TMEM117: variants seen among roughly 807,000 people sequenced by gnomAD.
TMEM117 encodes transmembrane protein 117.
In TMEM117, 27 loss-of-function variants were observed where a neutral mutation model predicts 52.4. That is an observed-to-expected ratio of 0.51 (90% CI 0.38 to 0.71). The LOEUF is 0.71. TMEM117 is among the 30% of genes least tolerant of loss of function. The probability of loss-of-function intolerance (pLI) is 0.00; values close to 1 mark genes in which losing one functional copy is unlikely to be tolerated. For missense variants in TMEM117, 556 were observed against 630.5 expected (o/e 0.88, Z 1.26); for synonymous variants, 215 against 206.3 (o/e 1.04, Z -0.36).
chr12:44,028,326 C>T (rs888435869), intron 3 of TMEM117, among the ~76,000 whole-genome samples: 2 of 152,128 alleles, frequency 1.3e-5, no homozygotes, highest in African/African-American at 4.8e-5. Context: ...TTAAGCTTAA[C>T]GTTATTTTGT....
intron 2 of TMEM117, among the ~76,000 whole-genome samples, chr12:43,882,476 A>AT (rs386376345): frequency 6.6e-6 from 1 of 151,480 alleles, no homozygotes; most frequent in Non-Finnish European, 1.5e-5. Flanking sequence ...AAAAAAAAAA[A>AT]AGAAATATTA....
At chr12:43,977,281 G>A (rs1409436342) in intron 3 of TMEM117, among the ~76,000 whole-genome samples, 2 of 152,120 alleles carry the variant, frequency 1.3e-5, no homozygotes, top group Non-Finnish European at 2.9e-5. Flanking sequence ...TCCGGGGCTT[G>A]TGTCATCCAA....
intron 6 of TMEM117, among the ~76,000 whole-genome samples, chr12:44,344,738 G>C (rs1398591534): frequency 6.6e-6 from 1 of 152,102 alleles, no homozygotes; most frequent in Non-Finnish European, 1.5e-5. Flanking sequence ...TGGGGACAGA[G>C]TCCTGTGTCC....
At chr12:44,001,245 C>G (rs1486377142) in intron 3 of TMEM117, among the ~76,000 whole-genome samples, 1 of 152,102 alleles carries the variant, frequency 6.6e-6, no homozygotes, top group African/African-American at 2.4e-5. Context: ...ATGGTCAGGC[C>G]CATCTATTCA....
At chr12:44,163,291 G>A (rs1354704480) in intron 4 of TMEM117, among the ~76,000 whole-genome samples, 2 of 152,240 alleles carry the variant, frequency 1.3e-5, no homozygotes, top group East Asian at 3.9e-4. Context: ...AATACCTTTT[G>A]TCTACAAGAT....
chr12:44,276,912 G>C (rs1950520349), intron 5 of TMEM117, among the ~76,000 whole-genome samples: 1 of 150,780 alleles, frequency 6.6e-6, no homozygotes, highest in Non-Finnish European at 1.5e-5. Flanking sequence ...GTGTGTATGT[G>C]TGTGTGTGTG....
intron 4 of TMEM117, among the ~76,000 whole-genome samples, chr12:44,199,340 A>T (rs1949462082): frequency 6.6e-6 from 1 of 152,198 alleles, no homozygotes; most frequent in African/African-American, 2.4e-5. Flanking sequence ...GGAAATTTCA[A>T]AGCATATGTT....
intron 5 of TMEM117, among the ~76,000 whole-genome samples, chr12:44,280,024 C>G (rs994456041): frequency 6.6e-6 from 1 of 152,108 alleles, no homozygotes; most frequent in African/African-American, 2.4e-5. Context: ...CAATCTGTCT[C>G]TGAATACACC....
At chr12:44,207,854 G>T (rs953813343) in intron 4 of TMEM117, among the ~76,000 whole-genome samples, 1 of 151,852 alleles carries the variant, frequency 6.6e-6, no homozygotes, top group African/African-American at 2.4e-5. Context: ...ACCCAGGCAG[G>T]CTGGCTCTGG....
At chr12:43,841,735 A>G (rs1451637881) in intron 1 of TMEM117, among the ~76,000 whole-genome samples, 5 of 152,248 alleles carry the variant, frequency 3.3e-5, no homozygotes, top group Admixed American at 3.3e-4. Context: ...CCCTGGAGTC[A>G]GCCTCAGAGG....
intron 4 of TMEM117, among the ~76,000 whole-genome samples, chr12:44,192,002 A>T (rs80310236): frequency 0.011 from 1,751 of 152,298 alleles, 22 homozygotes; most frequent in South Asian, 0.052. Context: ...GATGTATGTA[A>T]GACCAGAGTC....
chr12:43,930,720 G>A (rs931343386), intron 2 of TMEM117, among the ~76,000 whole-genome samples: 26 of 152,216 alleles, frequency 1.7e-4, no homozygotes, highest in African/African-American at 6.3e-4. Context: ...CGTTGTTGCT[G>A]TTGGGAAGAA....
chr12:44,217,002 G>C (rs1331764742), intron 5 of TMEM117, among the ~76,000 whole-genome samples: 2 of 152,092 alleles, frequency 1.3e-5, no homozygotes, highest in African/African-American at 2.4e-5. Flanking sequence ...GAATATCATA[G>C]TTATTAAAGT....
At chr12:44,197,499 G>A (rs1428962998) in intron 4 of TMEM117, among the ~76,000 whole-genome samples, 1 of 152,036 alleles carries the variant, frequency 6.6e-6, no homozygotes, top group Admixed American at 6.5e-5. Context: ...ATAAGGAATG[G>A]CATGCTAGAA....
the TMEM117 span, among the ~76,000 whole-genome samples, chr12:44,397,382 A>C: frequency 1.3e-5 from 2 of 152,162 alleles, no homozygotes; most frequent in Non-Finnish European, 2.9e-5. Flanking sequence ...CCCATTCTTT[A>C]TGTTTTTCTA....
chr12:44,139,858 G>A (rs1948546368), intron 3 of TMEM117, among the ~76,000 whole-genome samples: 1 of 152,010 alleles, frequency 6.6e-6, no homozygotes, highest in Non-Finnish European at 1.5e-5. Flanking sequence ...GGCTAAAATT[G>A]CTGATATAAA....
intron 6 of TMEM117, among the ~76,000 whole-genome samples, chr12:44,338,747 T>C (rs557008040): frequency 6.6e-6 from 1 of 152,216 alleles, no homozygotes; most frequent in South Asian, 2.1e-4. Flanking sequence ...AGTGGTGAAA[T>C]ATTAGAATTA....
intron 5 of TMEM117, among the ~76,000 whole-genome samples, chr12:44,219,702 C>A (rs1324645096): frequency 6.6e-6 from 1 of 152,070 alleles, no homozygotes; most frequent in Non-Finnish European, 1.5e-5. Flanking sequence ...AAAAGCCCAG[C>A]ATTTTATTGG....
At chr12:43,869,668 T>G (rs963871205) in intron 2 of TMEM117, among the ~76,000 whole-genome samples, 7 of 152,256 alleles carry the variant, frequency 4.6e-5, no homozygotes, top group African/African-American at 1.7e-4. Context: ...TGTAATGCTT[T>G]CTTTTTCCTG....
Sources: gnomAD v4.1 joint callset for allele counts (sites outside exome capture counted in the v4.1 genomes callset) on GRCh38, gnomAD v4.1.1 for gene constraint, MANE v1.5 for transcripts, NCBI Gene and HGNC (gene_info 2026-07-23, HGNC 2026-07-21) for gene names.